NBPF12: variants seen among roughly 807,000 people sequenced by gnomAD.
The protein encoded by NBPF12 is NBPF member 12.
NBPF12 carries 115 observed loss-of-function variants against 146.4 expected under a neutral mutation model. The observed-to-expected ratio is 0.79, with a 90% CI of 0.68 to 0.92. The LOEUF (loss-of-function observed/expected upper bound fraction) is 0.92, where lower values mean the gene tolerates loss of function less well. NBPF12 is among the 40% of genes least tolerant of loss of function. The pLI is 0.00. For synonymous variants in NBPF12, 385 were observed against 508.9 expected (o/e 0.76, Z 3.28); for missense variants, 1,205 against 1,326.8 (o/e 0.91, Z 1.43).
chr1:146,941,726 C>A (rs1431398619), intron 1 of NBPF12, among the ~76,000 whole-genome samples: 5 of 141,874 alleles, frequency 3.5e-5, no homozygotes, highest in African/African-American at 5.3e-5. Flanking sequence ...TGTACTCCAG[C>A]CTGGTTGACA....
intron 19 of NBPF12, among the ~76,000 whole-genome samples, chr1:146,979,917 T>C (rs1179211666): frequency 2.1e-5 from 2 of 93,124 alleles, no homozygotes; most frequent in Non-Finnish European, 4.2e-5. Context: ...CAGTGGGGTG[T>C]TAAAGTCTCC....
At chr1:146,966,750 C>T (rs1265434965) in intron 9 of NBPF12, 77 bp downstream of exon 12, 2 of 869,578 alleles carry the variant, frequency 2.3e-6, no homozygotes, top group Admixed American at 1.7e-5. Flanking sequence ...AGTGCTCTCT[C>T]CATCAAAAAT....
chr1:146,962,509 C>T (rs1435719903), intron 5 of NBPF12, among the ~76,000 whole-genome samples: 1 of 151,800 alleles, frequency 6.6e-6, no homozygotes, highest in Non-Finnish European at 1.5e-5. Flanking sequence ...ATTTACATAA[C>T]ACAAAATTCA....
At position 146,943,872 on chromosome 1, in the gene NBPF12, C is replaced by G. The variant is rs1419519467; in HGVS notation, c.-550+310C>G. Among the ~76,000 whole-genome samples the G allele has an allele frequency of 9.2e-5, 13 of 140,946 alleles. No homozygotes were observed. In the East Asian group the frequency reaches 3.0e-3, roughly 32 times the overall value. 92.5% of individuals were successfully genotyped at this position (140,946 alleles called of 152,430 possible). On this transcript the variant is annotated intron_variant, in intron 2 of 35. Transcript: ENST00000617931. ...CTCTTCCCCTCTCACCCCCCATTCT[C>G]TGCCCCCATTTCTGTCTCTGTTTCC...
chr1:146,994,407 A>C (rs370199014), exon 34 of NBPF12: 10 of 1,608,990 alleles, frequency 6.2e-6, no homozygotes, highest in Non-Finnish European at 5.9e-6. Context: ...ATTCGACTCC[A>C]TCAATGTACT....
Position 146,969,589 on chromosome 1 carries a change from C to G in NBPF12, c.1299C>G (p.Leu433=). The change falls in exon 11 of 34, where the codon CTC becomes CTG. Residue 433 remains leucine (L), a synonymous_variant. Transcript: ENST00000617844. ...TGGCACAGCACCTTGTCCAAAAGCT[C>G]AGCCCAGGTAAGGTGGCCACAGGCC... The G allele has an allele frequency of 1.9e-6, 3 of 1,610,124 alleles. 1 individual carries two copies. The highest frequency in any genetic ancestry group is 2.7e-5 in the African/African-American group (2 of 74,110).
chr1:146,948,703 C>A (rs1197282410), upstream of NBPF12, among the ~76,000 whole-genome samples: 5 of 151,928 alleles, frequency 3.3e-5, no homozygotes, highest in African/African-American at 9.7e-5. Flanking sequence ...AAGGGAAAGA[C>A]CTGACTGTCC....
chr1:146,977,621 T>G, exon 18 of NBPF12: 1 of 1,573,956 alleles, frequency 6.4e-7, no homozygotes, highest in Non-Finnish European at 8.7e-7. Flanking sequence ...TCAACTCTCA[T>G]TGGCTCATCC....
chr1:146,989,151 G>C (rs1393979774), intron 27 of NBPF12, among the ~76,000 whole-genome samples: 19 of 106,424 alleles, frequency 1.8e-4, no homozygotes, highest in Non-Finnish European at 2.4e-4. Flanking sequence ...ACCATAGGTT[G>C]ACCATACTTC....
At chr1:146,971,634 C>A (rs1298660090) in intron 13 of NBPF12, among the ~76,000 whole-genome samples, 1 of 148,614 alleles carries the variant, frequency 6.7e-6, no homozygotes, top group African/African-American at 2.5e-5. Flanking sequence ...ACGAAGAATA[C>A]AAAAAATTAG....
intron 12 of NBPF12, 74 bp from the exon 16 acceptor site, chr1:146,971,109 C>G (rs1193753571): frequency 2.5e-6 from 4 of 1,605,272 alleles, no homozygotes; most frequent in East Asian, 2.2e-5. Flanking sequence ...CTTGTCAAAA[C>G]CAGCTAGGAC....
chr1:146,961,311 G>C (rs1204304058), intron 4 of NBPF12, among the ~76,000 whole-genome samples: 3 of 151,542 alleles, frequency 2.0e-5, no homozygotes, highest in Non-Finnish European at 2.9e-5. Context: ...GTGCAAAGCA[G>C]GGACCCTCAG....
chr1:146,963,004 G>C (rs1570841472), intron 5 of NBPF12, 91 bp from the exon 9 acceptor site: 5 of 1,320,796 alleles, frequency 3.8e-6, no homozygotes, highest in East Asian at 4.6e-5. Flanking sequence ...AGGTCTCCTT[G>C]AGAACATTGT....
chr1:146,952,536 G>A (rs1655369308), intron 2 of NBPF12, among the ~76,000 whole-genome samples: 1 of 150,808 alleles, frequency 6.6e-6, no homozygotes, highest in African/African-American at 2.5e-5. Context: ...TTGACTCCTG[G>A]TTGAGTGCTT....
intron 2 of NBPF12, among the ~76,000 whole-genome samples, chr1:146,953,390 T>C (rs1357894239): frequency 2.1e-5 from 3 of 140,434 alleles, no homozygotes; most frequent in African/African-American, 8.2e-5. Flanking sequence ...GCTTCTTGAC[T>C]GGGGGGAGAT....
intron 5 of NBPF12, 43 bp downstream of exon 8, chr1:146,962,306 G>C: frequency 6.7e-7 from 1 of 1,496,978 alleles, no homozygotes; most frequent in Non-Finnish European, 9.2e-7. Flanking sequence ...TAGGTGTGTA[G>C]ATCTCTGAAG....
chr1:146,969,020 T>G (rs1162696059), intron 10 of NBPF12, among the ~76,000 whole-genome samples: 1 of 151,608 alleles, frequency 6.6e-6, no homozygotes, highest in African/African-American at 2.4e-5. Context: ...TGTACATGGC[T>G]TTGTGTCTAG....
exon 34 of NBPF12, chr1:146,994,404 T>A (rs1553890045): frequency 1.9e-6 from 3 of 1,612,218 alleles, no homozygotes; most frequent in African/African-American, 1.3e-5. Context: ...GTTATTCGAC[T>A]CCATCAATGT....
chr1:146,963,543 A>C (rs1185341562), intron 6 of NBPF12, among the ~76,000 whole-genome samples: 3 of 151,880 alleles, frequency 2.0e-5, no homozygotes, highest in Admixed American at 2.0e-4. Flanking sequence ...TTTGGAGCAA[A>C]AGGCAGCATC....
Sources: gnomAD v4.1 joint callset for allele counts (sites outside exome capture counted in the v4.1 genomes callset) on GRCh38, gnomAD v4.1.1 for gene constraint, MANE v1.5 for transcripts, NCBI Gene and HGNC (gene_info 2026-07-23, HGNC 2026-07-21) for gene names.